Variants in SMG5 observed in about 807,000 individuals in gnomAD.
SMG5 encodes SMG5 nonsense mediated mRNA decay factor.
A neutral mutation model predicts 122.9 loss-of-function variants in SMG5; 53 were observed. The observed-to-expected ratio is 0.43, with a 90% CI of 0.35 to 0.54. The LOEUF (loss-of-function observed/expected upper bound fraction) is 0.54. Ranked by LOEUF, SMG5 falls within the 20% of genes least tolerant of loss-of-function variation. SMG5 has a pLI of 0.01. For missense variants in SMG5, 1,153 were observed against 1,285.6 expected, an observed-to-expected ratio of 0.90 and a Z score of 1.58; for synonymous variants, 477 against 490.2, an observed-to-expected ratio of 0.97 and a Z score of 0.35.
At position 156,266,222 on chromosome 1, in the gene SMG5, T is replaced by C. The variant is rs1437035771; in HGVS notation, c.1414A>G (p.Ser472Gly). The C allele has an allele frequency of 1.2e-6, 2 of 1,614,214 alleles. No homozygotes were observed. The highest frequency in any genetic ancestry group is 1.7e-6 in the Non-Finnish European group (2 of 1,180,046). ...RRHPPKVGDD[S>G]DLSEGFESDS... ...GATTCAAAGCCTTCACTCAGGTCAC[T>C]GTCATCACCAACTTTGGGTGGGTGG... Residue 472 changes from serine to glycine, a missense_variant, in exon 12 of 22, where the codon AGT becomes GGT. Ser to Gly is a moderately conservative substitution (Grantham distance 56). Coordinates refer to ENST00000361813, the MANE Select transcript of SMG5 (RefSeq NM_015327.3).
chr1:156,249,997 C>G lies in SMG5; in HGVS notation c.*590G>C. On this transcript the variant is annotated 3_prime_UTR_variant, in exon 22 of 22. Transcript: ENST00000361813. ...GCACACGAACCCTGACCCTGCTACT[C>G]GGTGCAGGCCACTCCAGGCCTTGCT... The G allele has an allele frequency of 4.3e-6, 2 of 460,940 alleles. No individual in the cohort carries two copies. The highest frequency in any genetic ancestry group is 3.2e-5 in the South Asian group (2 of 63,340). The allele number at this position is 460,940 out of a possible 1,614,324, so 28.6% of individuals were successfully genotyped here.
At chr1:156,262,709 C>G (rs1274349460) in intron 13 of SMG5, among the ~76,000 whole-genome samples, 1 of 152,168 alleles carries the variant, frequency 6.6e-6, no homozygotes, top group Non-Finnish European at 1.5e-5. Context: ...AACTAACTGT[C>G]ATCAGACATA....
chr1:156,277,934 A>G lies in SMG5; in HGVS notation c.288T>C (p.Thr96=). ...AAGGACTTCCCCTTACCTTTTTGTT[A>G]GTCTTGATAAGCTGGATAACTTCAT... The part of the protein sequence containing the change: ...VYYEVIQLIK[T]NKKHIHSRST... Residue 96 remains threonine, a synonymous_variant, in exon 3 of 22, where the codon ACT becomes ACC. Coordinates refer to ENST00000361813, the MANE Select transcript of SMG5 (RefSeq NM_015327.3). 1 of 1,613,806 alleles carries G rather than the reference A, an allele frequency of 6.2e-7. No homozygotes were observed. The highest frequency in any genetic ancestry group is 2.2e-5 in the East Asian group (1 of 44,876).
chr1:156,253,557 C>T, intron 16 of SMG5, 49 bp from the exon 17 acceptor site: 1 of 1,574,736 alleles, frequency 6.4e-7, no homozygotes, highest in Middle Eastern at 1.7e-4. Flanking sequence ...ATTTTCCCTT[C>T]TCCAGTGATC....
intron 4 of SMG5, among the ~76,000 whole-genome samples, 185 bp from the exon 5 acceptor site, chr1:156,274,871 G>A (rs952561195): frequency 2.0e-5 from 3 of 152,098 alleles, no homozygotes; most frequent in Non-Finnish European, 4.4e-5. Flanking sequence ...GTGGCCATAC[G>A]CAGGGACTCA....
Position 156,261,333 on chromosome 1 carries a change from C to T in SMG5, c.2107G>A (p.Gly703Ser), listed in dbSNP as rs1309540712. 2 of 1,614,128 alleles carry T rather than the reference C, an allele frequency of 1.2e-6. No individual in the cohort carries two copies. Among genetic ancestry groups the T allele is most frequent in the South Asian group, 2.2e-5 (2 of 91,080 alleles). ...LPAAGELQES[G>S]LALCPEVQDL... ...AGGGTAGTGCCAGGGACCCACTCAC[C>T]AGACTCCTGGAGTTCACCAGCAGCA... The change falls in exon 14 of 22, where the codon GGC becomes AGC. Residue 703 changes from glycine to serine, a missense_variant and splice_region_variant. Physicochemically the swap from Gly to Ser is moderately conservative, Grantham distance 56. Around this residue, in one of 5 missense-constraint regions of SMG5, gnomAD observed 631 missense variants for 650.6 expected, o/e 0.97. Coordinates refer to ENST00000361813, the MANE Select transcript of SMG5 (RefSeq NM_015327.3).
chr1:156,251,093 G>A, intron 20 of SMG5, 97 bp from the exon 21 acceptor site: 1 of 1,506,090 alleles, frequency 6.6e-7, no homozygotes, highest in Non-Finnish European at 9.0e-7. Flanking sequence ...CTGGGGGCTG[G>A]GAGGGCAGTG....
rs1661241385 is a variant in SMG5 at position 156,249,816 on chromosome 1, C to G, written c.*771G>C. On this transcript the variant is annotated 3_prime_UTR_variant, in exon 22 of 22. Transcript: ENST00000361813. ...GCAGCCAAGAGCACAAAGCACAGCA[C>G]CTGTGGGGCTGGTGGGCACAGGAGA... 4.2e-6 allele frequency: 2 copies of G among 471,160 alleles called. No individual in the cohort carries two copies. Among genetic ancestry groups the G allele is most frequent in the African/African-American group, 2.0e-5 (1 of 50,100 alleles). 29.2% of individuals were successfully genotyped at this position (471,160 alleles called of 1,614,324 possible).
intron 5 of SMG5, among the ~76,000 whole-genome samples, chr1:156,273,711 TTGTTTTC>T (rs1276991864): frequency 6.8e-6 from 1 of 146,858 alleles, no homozygotes; most frequent in African/African-American, 2.5e-5. Context: ...TTTTTTTGTT[TTGTTTTC>T]TTTTTTTTTT....
At position 156,268,287 on chromosome 1, in the gene SMG5, C is replaced by G; in HGVS notation, c.839+3G>C. 6.2e-7 allele frequency: 1 copy of G among 1,614,186 alleles called. No homozygotes were observed. The highest frequency in any genetic ancestry group is 8.5e-7 in the Non-Finnish European group (1 of 1,180,024). On this transcript the variant is annotated splice_donor_region_variant and intron_variant, in intron 8 of 21. Coordinates refer to ENST00000361813, the MANE Select transcript of SMG5 (RefSeq NM_015327.3). ...ACCCGTCCTCCTCACAGGCCCCACT[C>G]ACCGCTTTTTGCCAGGAGACAGTTT...
chr1:156,271,465 A>G (rs144066777), intron 7 of SMG5, among the ~76,000 whole-genome samples: 31 of 151,998 alleles, frequency 2.0e-4, no homozygotes, highest in African/African-American at 6.0e-4. Context: ...TTCCAGGTAA[A>G]GTATTCTGGT....
In SMG5 at chr1:156,250,419, C is replaced by T; in HGVS notation, c.*168G>A. 1.5e-6 allele frequency: 1 copy of T among 670,364 alleles called. No individual in the cohort carries two copies. The allele number at this position is 670,364 out of a possible 1,614,324, so 41.5% of individuals were successfully genotyped here. A position where few individuals can be genotyped will look rare whatever the true frequency, so the allele number is the denominator to read the frequency against. On this transcript the variant is annotated 3_prime_UTR_variant, in exon 22 of 22. Coordinates refer to ENST00000361813, the MANE Select transcript of SMG5 (RefSeq NM_015327.3). Reference sequence around the variant, plus strand: ...CTTGGCAACAAAGGGACCCCACCCTCCCAGCCGGCTCCTGGGCCCTCCCTG... The same window carrying T: ...CTTGGCAACAAAGGGACCCCACCCTTCCAGCCGGCTCCTGGGCCCTCCCTG...
At chr1:156,260,930 G>T (rs1661796266) in intron 14 of SMG5, among the ~76,000 whole-genome samples, 1 of 152,166 alleles carries the variant, frequency 6.6e-6, no homozygotes, top group Admixed American at 6.5e-5. Context: ...ATAGCCCTTG[G>T]CAAGTCTTAG....
upstream of SMG5, chr1:156,285,501 C>A (rs200622807): frequency 1.2e-6 from 2 of 1,614,156 alleles, no homozygotes; most frequent in Non-Finnish European, 1.7e-6. Flanking sequence ...CCGGATCCCC[C>A]TGGCTGGCGG....
intron 20 of SMG5, 123 bp from the exon 21 acceptor site, chr1:156,251,119 TG>T: frequency 7.5e-7 from 1 of 1,333,088 alleles, no homozygotes; most frequent in Non-Finnish European, 1.0e-6. Context: ...CAGTGGGCCC[TG>T]GAAGCTGGCC....
In SMG5 at chr1:156,262,070, A is replaced by C. The variant is rs1661870047; in HGVS notation, c.2032-662T>G. 2.6e-5 allele frequency among the ~76,000 whole-genome samples: 4 copies of C among 151,954 alleles called. No homozygotes were observed. In the South Asian group the frequency reaches 8.3e-4, roughly 32 times the overall value. On this transcript the variant is annotated intron_variant, in intron 13 of 21. Coordinates refer to ENST00000361813, the MANE Select transcript of SMG5 (RefSeq NM_015327.3). ...GTGAGACCTTGTTTCAAAACAAAAC[A>C]AAAAAAGCCACATTCGGACTGGCTC...
upstream of SMG5, among the ~76,000 whole-genome samples, chr1:156,283,785 C>G (rs1049604895): frequency 1.3e-5 from 2 of 152,198 alleles, no homozygotes; most frequent in Admixed American, 6.5e-5. Context: ...TGCTGTTCCT[C>G]TGTCTGTAAC....
rs763264517 is a variant in SMG5 at position 156,260,431 on chromosome 1, A to G, written c.2283+20T>C. On this transcript the variant is annotated intron_variant, in intron 15 of 21. Transcript: ENST00000361813. ...TGTGACTGACAAACAGAGCTGTGGC[A>G]TAAGAAATGCTATCCTTACCTCCTC... 21 of 1,592,710 alleles carry G rather than the reference A, an allele frequency of 1.3e-5. No individual in the cohort carries two copies. The highest frequency in any genetic ancestry group is 1.7e-5 in the Non-Finnish European group (20 of 1,172,556).
intron 12 of SMG5, among the ~76,000 whole-genome samples, chr1:156,264,421 T>C (rs975394815): frequency 3.9e-5 from 6 of 152,174 alleles, no homozygotes; most frequent in African/African-American, 9.7e-5. Context: ...GTCCCATCCA[T>C]GTGCCAGACA....
Sources: gnomAD v4.1 joint callset for allele counts (sites outside exome capture counted in the v4.1 genomes callset) on GRCh38, gnomAD v4.1.1 for gene constraint, gnomAD v4.1.1 regional missense constraint, MANE v1.5 for transcripts, NCBI Gene and HGNC (gene_info 2026-07-23, HGNC 2026-07-21) for gene names.